Variants in THSD7B observed in about 807,000 individuals in gnomAD.
THSD7B encodes thrombospondin type-1 domain-containing protein 7B.
A neutral mutation model predicts 213.6 loss-of-function variants in THSD7B; 138 were observed. That is an observed-to-expected ratio of 0.65 (90% CI 0.56 to 0.74). The LOEUF is 0.74. THSD7B is among the 30% of genes least tolerant of loss of function. The pLI is 0.00. For missense variants in THSD7B, 1,931 were observed against 1,991.5 expected, an observed-to-expected ratio of 0.97 and a Z score of 0.58; for synonymous variants, 742 against 687.0, an observed-to-expected ratio of 1.08 and a Z score of -1.25.
At chr2:137,309,285 G>C (rs1683831332) in intron 12 of THSD7B, among the ~76,000 whole-genome samples, 1 of 149,584 alleles carries the variant, frequency 6.7e-6, no homozygotes, top group South Asian at 2.1e-4. Context: ...TTACTTCTCA[G>C]AGTTTTTTTT....
At chr2:137,282,564 C>G (rs1311199590) in intron 12 of THSD7B, among the ~76,000 whole-genome samples, 1 of 152,110 alleles carries the variant, frequency 6.6e-6, no homozygotes, top group Non-Finnish European at 1.5e-5. Flanking sequence ...TTTAATCAAT[C>G]TTGAATTAAT....
intron 15 of THSD7B, among the ~76,000 whole-genome samples, chr2:137,500,798 A>G (rs1450819573): frequency 1.3e-5 from 2 of 152,222 alleles, no homozygotes; most frequent in African/African-American, 4.8e-5. Flanking sequence ...ATGCACATGA[A>G]GAGCACATAT....
chr2:137,328,595 C>T (rs1321837996), intron 12 of THSD7B, among the ~76,000 whole-genome samples: 1 of 152,196 alleles, frequency 6.6e-6, no homozygotes, highest in Non-Finnish European at 1.5e-5. Flanking sequence ...TGTCTAGTGA[C>T]ATCTGACTGG....
intron 12 of THSD7B, among the ~76,000 whole-genome samples, chr2:137,342,740 C>T (rs934542925): frequency 6.6e-6 from 1 of 150,618 alleles, no homozygotes; most frequent in Non-Finnish European, 1.5e-5. Flanking sequence ...TTTGTTTTAT[C>T]GTGAAACTAT....
chr2:137,358,072 G>A (rs1685173798), intron 12 of THSD7B, among the ~76,000 whole-genome samples: 1 of 152,136 alleles, frequency 6.6e-6, no homozygotes, highest in Admixed American at 6.5e-5. Flanking sequence ...TTTCCTTGCT[G>A]AAGTGAACAG....
At chr2:137,178,380 T>C (rs1680397566) in intron 7 of THSD7B, among the ~76,000 whole-genome samples, 1 of 152,174 alleles carries the variant, frequency 6.6e-6, no homozygotes, top group African/African-American at 2.4e-5. Flanking sequence ...TTGGTGTCAG[T>C]GTCCTTACCT....
intron 12 of THSD7B, among the ~76,000 whole-genome samples, chr2:137,394,751 G>A (rs1444466503): frequency 9.5e-5 from 13 of 137,510 alleles, no homozygotes; most frequent in Non-Finnish European, 1.8e-4. Flanking sequence ...ATTACCTTGG[G>A]CAGTATGGCC....
chr2:137,621,502 G>A (rs988509191), intron 20 of THSD7B, among the ~76,000 whole-genome samples: 2 of 152,208 alleles, frequency 1.3e-5, no homozygotes, highest in Non-Finnish European at 2.9e-5. Context: ...AAGGAATGCA[G>A]AAGGCAATTG....
chr2:136,802,067 C>A (rs1284734506), intron 1 of THSD7B, among the ~76,000 whole-genome samples: 1 of 151,988 alleles, frequency 6.6e-6, no homozygotes, highest in Non-Finnish European at 1.5e-5. Context: ...CCTGGTAAAC[C>A]TCCCTGAATC....
chr2:137,667,380 T>C (rs1474840682), intron 26 of THSD7B, among the ~76,000 whole-genome samples: 2 of 152,154 alleles, frequency 1.3e-5, no homozygotes, highest in African/African-American at 2.4e-5. Flanking sequence ...AAAATAAACA[T>C]TTGGTGCCAT....
intron 2 of THSD7B, among the ~76,000 whole-genome samples, chr2:137,012,903 C>T (rs181278184): frequency 5.6e-4 from 85 of 152,310 alleles, no homozygotes; most frequent in African/African-American, 2.0e-3. Context: ...GACAACTGGA[C>T]AGAAACTACC....
chr2:137,602,897 C>T (rs1167123172), intron 17 of THSD7B, among the ~76,000 whole-genome samples: 1 of 152,164 alleles, frequency 6.6e-6, no homozygotes, highest in Non-Finnish European at 1.5e-5. Context: ...TGCCACATGT[C>T]TGTATCTACC....
At chr2:136,851,655 G>A (rs1421054035) in intron 1 of THSD7B, among the ~76,000 whole-genome samples, 6 of 152,018 alleles carry the variant, frequency 3.9e-5, no homozygotes, top group Non-Finnish European at 7.4e-5. Context: ...TTTTTGAACC[G>A]GGGCCTAGAG....
chr2:136,965,212 A>G (rs75716053), intron 2 of THSD7B, among the ~76,000 whole-genome samples: 1,630 of 152,264 alleles, frequency 0.011, 22 homozygotes, highest in African/African-American at 0.037. Context: ...CGGCTTCTAC[A>G]CTTGGTTTTC....
At chr2:137,410,348 AACCTCC>A (rs1180518001) in intron 13 of THSD7B, among the ~76,000 whole-genome samples, 1 of 151,898 alleles carries the variant, frequency 6.6e-6, no homozygotes, top group African/African-American at 2.4e-5. Flanking sequence ...AGCTCACTGC[AACCTCC>A]ACCTCCTCAG....
intron 1 of THSD7B, among the ~76,000 whole-genome samples, chr2:136,773,230 A>G (rs556542730): frequency 1.3e-5 from 2 of 152,246 alleles, no homozygotes; most frequent in East Asian, 1.9e-4. Context: ...TGTGTGCCAG[A>G]CGCTACTCTA....
chr2:137,115,567 G>GC (rs1688434600), intron 5 of THSD7B, among the ~76,000 whole-genome samples: 1 of 152,142 alleles, frequency 6.6e-6, no homozygotes, highest in South Asian at 2.1e-4. Context: ...AATGCTACAA[G>GC]CTAAGGGTCT....
At chr2:136,956,133 G>GT (rs1038524618) in intron 2 of THSD7B, among the ~76,000 whole-genome samples, 3 of 152,094 alleles carry the variant, frequency 2.0e-5, no homozygotes, top group African/African-American at 7.2e-5. Context: ...CTGTCAAGGA[G>GT]TAAGATTAAA....
At chr2:137,620,588 G>T (rs756233628) in intron 19 of THSD7B, 21 bp from the exon 20 acceptor site, 12 of 1,571,478 alleles carry the variant, frequency 7.6e-6, no homozygotes, top group Non-Finnish European at 1.1e-5. Context: ...CAATAAAGTT[G>T]TGTTTCATTT....
Sources: gnomAD v4.1 joint callset for allele counts (sites outside exome capture counted in the v4.1 genomes callset) on GRCh38, gnomAD v4.1.1 for gene constraint, MANE v1.5 for transcripts, NCBI Gene and HGNC (gene_info 2026-07-23, HGNC 2026-07-21) for gene names.